The following PSME4 variants were observed in gnomAD, a reference collection of about 807,000 sequenced individuals.
The protein encoded by PSME4 is proteasome activator subunit 4, also known as proteasome activator complex subunit 4.
Under a neutral mutation model 253.9 loss-of-function variants are expected in PSME4, and 89 were observed. That is an observed-to-expected ratio of 0.35 (90% CI 0.30 to 0.42). The LOEUF (loss-of-function observed/expected upper bound fraction) is 0.42. PSME4 is among the 10% of genes least tolerant of loss of function. PSME4 has a pLI of 1.00. For missense variants in PSME4, 2,014 were observed against 2,195.2 expected (o/e 0.92, Z 1.65); for synonymous variants, 851 against 759.2 (o/e 1.12, Z -1.99).
Position 53,926,009 on chromosome 2 carries a change from A to C in PSME4, c.1608T>G (p.Leu536=). The C allele has an allele frequency of 6.2e-7, 1 of 1,613,182 alleles. No homozygotes were observed. The highest frequency in any genetic ancestry group is 8.5e-7 in the Non-Finnish European group (1 of 1,179,124). ...RNDLTEVERE[L]CSATAEFEDF... is the part of the protein sequence containing the mutation. Reference sequence around the variant, plus strand: ...CCTCAAATTCAGCTGTGGCTGAACAAAGTTCTCGTTCCACCTATAATATCC... The same window carrying C: ...CCTCAAATTCAGCTGTGGCTGAACACAGTTCTCGTTCCACCTATAATATCC... The change falls in exon 13 of 47, where the codon CTT becomes CTG. Residue 536 remains leucine, a synonymous_variant. Transcript: ENST00000404125.
chr2:53,867,305 G>C (rs1178820325), intron 44 of PSME4, among the ~76,000 whole-genome samples: 1 of 152,130 alleles, frequency 6.6e-6, no homozygotes, highest in East Asian at 1.9e-4. Flanking sequence ...AGGAGTTCAA[G>C]AACAGCTTGG....
intron 1 of PSME4, among the ~76,000 whole-genome samples, chr2:53,963,549 G>A (rs1180957235): frequency 6.6e-6 from 1 of 152,138 alleles, no homozygotes; most frequent in East Asian, 1.9e-4. Flanking sequence ...TTTAAATGAA[G>A]GTAACTTAAG....
intron 21 of PSME4, among the ~76,000 whole-genome samples, chr2:53,909,307 T>C (rs1252977076): frequency 6.6e-6 from 1 of 152,188 alleles, no homozygotes; most frequent in Non-Finnish European, 1.5e-5. Context: ...GAAAGGGTGC[T>C]AAATTTCTAT....
intron 42 of PSME4, among the ~76,000 whole-genome samples, chr2:53,874,696 T>G (rs1165827047): frequency 6.6e-6 from 1 of 152,210 alleles, no homozygotes; most frequent in Admixed American, 6.5e-5. Flanking sequence ...ATCTCAGTAC[T>G]TTGGGAGGAT....
chr2:53,925,599 T>C lies in PSME4; in HGVS notation c.1749A>G (p.Glu583=), dbSNP rs1289611490. Residue 583 remains glutamate, a synonymous_variant, in exon 14 of 47, where the codon GAA becomes GAG. Transcript: ENST00000404125. Reference sequence around the variant, plus strand: ...TACTAAACGTAGAAGACAGACCTAATTCGACCAAACTCTCCAAGTGTGTCA... The same window carrying C: ...TACTAAACGTAGAAGACAGACCTAACTCGACCAAACTCTCCAAGTGTGTCA... ...EKMTHLESLV[E]LGLSSTFSTI... 1 of 1,610,126 alleles carries C rather than the reference T, an allele frequency of 6.2e-7. No homozygotes were observed. The highest frequency in any genetic ancestry group is 1.3e-5 in the African/African-American group (1 of 74,910).
chr2:53,938,046 G>T (rs377015102), intron 4 of PSME4, among the ~76,000 whole-genome samples: 1 of 151,742 alleles, frequency 6.6e-6, no homozygotes, highest in East Asian at 1.9e-4. Flanking sequence ...TTCTTCTCTT[G>T]TCTAAGGGAA....
At chr2:53,894,859 A>T in intron 34 of PSME4, 148 bp downstream of exon 34, 1 of 652,824 alleles carries the variant, frequency 1.5e-6, no homozygotes, top group Non-Finnish European at 2.6e-6. Flanking sequence ...AGAATGGATT[A>T]CATAGTCACC....
chr2:53,940,984 T>TATATACATATTTAA (rs1558414106), intron 3 of PSME4, among the ~76,000 whole-genome samples: 1 of 68,582 alleles, frequency 1.5e-5, no homozygotes, highest in East Asian at 6.1e-4. Flanking sequence ...TATATATATA[T>TATATACATATTTAA]ATATATATAT....
intron 1 of PSME4, among the ~76,000 whole-genome samples, chr2:53,966,725 T>C (rs1251266819): frequency 6.6e-6 from 1 of 152,088 alleles, no homozygotes; most frequent in Non-Finnish European, 1.5e-5. Flanking sequence ...GTTGTTGTTT[T>C]TAAGATGGAG....
At chr2:53,915,820 C>G (rs1184784533) in intron 20 of PSME4, among the ~76,000 whole-genome samples, 1 of 151,958 alleles carries the variant, frequency 6.6e-6, no homozygotes, top group Non-Finnish European at 1.5e-5. Flanking sequence ...CCTATAATCC[C>G]AGCACTTTTG....
chr2:53,901,357 T>G lies in PSME4; in HGVS notation c.3278A>C (p.Asp1093Ala), dbSNP rs1680390629. The G allele has an allele frequency of 2.5e-6, 4 of 1,611,472 alleles. No homozygotes were observed. The highest frequency in any genetic ancestry group is 2.5e-6 in the Non-Finnish European group (3 of 1,177,514). The change falls in exon 28 of 47, where the codon GAC (aspartate) becomes GCC (alanine). Residue 1093 changes from aspartate to alanine, a missense_variant. Transcript: ENST00000404125. ...IHRQYETIGL[D>A]FTIPKSCVEI... The stretch of plus-strand genomic sequence containing the variant: ...AAGAATGATATTGCTTACTGTGAAG[T>G]CCAAGCCAATTGTTTCATACTGCCT...
intron 1 of PSME4, among the ~76,000 whole-genome samples, chr2:53,961,118 G>A (rs950107453): frequency 1.3e-5 from 2 of 152,148 alleles, no homozygotes; most frequent in African/African-American, 4.8e-5. Context: ...AAGAAAGAGA[G>A]AGAAGAAATG....
intron 43 of PSME4, chr2:53,870,088 A>C (rs1678796036): frequency 6.6e-6 from 1 of 152,258 alleles, no homozygotes; most frequent in Non-Finnish European, 1.5e-5. Flanking sequence ...TGGAATGGTA[A>C]CTCAACTTTT....
chr2:53,918,135 T>A (rs1668140192), intron 20 of PSME4, among the ~76,000 whole-genome samples: 1 of 152,106 alleles, frequency 6.6e-6, no homozygotes, highest in Non-Finnish European at 1.5e-5. Flanking sequence ...CTTTTTAACG[T>A]TTTTGTTGGA....
At chr2:53,884,039 C>A (rs530693546) in intron 41 of PSME4, among the ~76,000 whole-genome samples, 49 of 152,298 alleles carry the variant, frequency 3.2e-4, no homozygotes, top group African/African-American at 1.2e-3. Flanking sequence ...AAACGCCTCT[C>A]TTTATCCTCA....
intron 1 of PSME4, among the ~76,000 whole-genome samples, chr2:53,956,569 A>G (rs568445476): frequency 1.6e-4 from 24 of 151,774 alleles, no homozygotes; most frequent in Admixed American, 1.1e-3. Context: ...GTAAACAGGA[A>G]TTATTATTCT....
At chr2:53,886,997 G>T (rs754797400) in intron 40 of PSME4, among the ~76,000 whole-genome samples, 2 of 152,160 alleles carry the variant, frequency 1.3e-5, no homozygotes, top group African/African-American at 2.4e-5. Context: ...AGGATGAGGG[G>T]AGGGAAAATG....
intron 10 of PSME4, among the ~76,000 whole-genome samples, chr2:53,930,188 C>T (rs1006555405): frequency 3.4e-4 from 51 of 152,186 alleles, no homozygotes; most frequent in African/African-American, 1.1e-3. Flanking sequence ...ACTTAATATG[C>T]TGATATTACA....
intron 1 of PSME4, among the ~76,000 whole-genome samples, chr2:53,965,376 C>T (rs921351671): frequency 2.0e-5 from 3 of 151,624 alleles, no homozygotes; most frequent in Admixed American, 6.6e-5. Flanking sequence ...AGTCTATAGG[C>T]GAGTGCCACC....
Sources: allele counts gnomAD v4.1 joint callset (sites outside exome capture counted in the v4.1 genomes callset), GRCh38; gene constraint gnomAD v4.1.1; transcripts MANE v1.5; gene names NCBI Gene and HGNC (gene_info 2026-07-23, HGNC 2026-07-21).